TCF7L1: variants seen among roughly 807,000 people sequenced by gnomAD.
The protein encoded by TCF7L1 is transcription factor 7-like 1.
In TCF7L1, 18 loss-of-function variants were observed where a neutral mutation model predicts 63.7. The ratio of observed to expected loss-of-function variants is 0.28; its 90% CI spans 0.20 to 0.42. The LOEUF (loss-of-function observed/expected upper bound fraction) is 0.42. Ranked by LOEUF, TCF7L1 falls within the 10% of genes least tolerant of loss-of-function variation. The probability of loss-of-function intolerance (pLI) is 1.00; values close to 1 mark genes in which losing one functional copy is unlikely to be tolerated. For missense variants in TCF7L1, 654 were observed against 779.3 expected, an observed-to-expected ratio of 0.84 and a Z score of 1.91; for synonymous variants, 355 against 340.9, an observed-to-expected ratio of 1.04 and a Z score of -0.46.
At chr2:85,135,270 T>G (rs1190485705) in intron 3 of TCF7L1, among the ~76,000 whole-genome samples, 1 of 152,102 alleles carries the variant, frequency 6.6e-6, no homozygotes, top group Admixed American at 6.5e-5. Flanking sequence ...AGCTGGGGGC[T>G]GGCGAGGCCT....
At chr2:85,229,249 A>G (rs1021514009) in intron 3 of TCF7L1, among the ~76,000 whole-genome samples, 1 of 152,020 alleles carries the variant, frequency 6.6e-6, no homozygotes, top group African/African-American at 2.4e-5. Context: ...CGGGAGGCTG[A>G]GGCAGGAAAA....
chr2:85,259,999 C>G (rs78294179), intron 3 of TCF7L1, among the ~76,000 whole-genome samples: 3 of 152,238 alleles, frequency 2.0e-5, no homozygotes, highest in African/African-American at 7.2e-5. Context: ...AGCAGCCTCC[C>G]CCACAACTGA....
intron 3 of TCF7L1, among the ~76,000 whole-genome samples, chr2:85,164,476 C>T (rs1186902309): frequency 6.6e-6 from 1 of 152,074 alleles, no homozygotes; most frequent in Non-Finnish European, 1.5e-5. Flanking sequence ...TTGGAATGGA[C>T]ATCTCATTAG....
At chr2:85,188,755 G>T (rs1678984698) in intron 3 of TCF7L1, among the ~76,000 whole-genome samples, 1 of 152,244 alleles carries the variant, frequency 6.6e-6, no homozygotes, top group South Asian at 2.1e-4. Context: ...TTATGCCAGG[G>T]TATGTATCTC....
intron 3 of TCF7L1, among the ~76,000 whole-genome samples, chr2:85,148,228 G>A (rs1677926996): frequency 6.6e-6 from 1 of 152,194 alleles, no homozygotes; most frequent in Admixed American, 6.5e-5. Context: ...CTGGGATGGG[G>A]AGAGTCTGTG....
chr2:85,198,511 C>G (rs1400635948), intron 3 of TCF7L1, among the ~76,000 whole-genome samples: 2 of 152,216 alleles, frequency 1.3e-5, no homozygotes, highest in African/African-American at 4.8e-5. Context: ...CCCAGACAGA[C>G]TCCCAAAGCT....
rs573813681 is a variant in TCF7L1, at chr2:85,300,199, A to T, written c.526-2285A>T. On this transcript the variant is annotated intron_variant, in intron 4 of 11. Coordinates refer to ENST00000282111, the MANE Select transcript of TCF7L1 (RefSeq NM_031283.3). ...TGTGCTTCTATTTAGCCTTTTTTTA[A>T]ATTACAGAGTTTATGTATTTTTTAA... Among the ~76,000 whole-genome samples the T allele has an allele frequency of 2.0e-4, 30 of 152,188 alleles. No homozygotes were observed. In the East Asian group the frequency reaches 5.6e-3, roughly 28 times the overall value.
intron 3 of TCF7L1, among the ~76,000 whole-genome samples, chr2:85,155,258 C>T (rs1678117503): frequency 6.6e-6 from 1 of 152,182 alleles, no homozygotes; most frequent in South Asian, 2.1e-4. Context: ...ATGGACCAAT[C>T]AGCACTCTGT....
chr2:85,218,443 A>G (rs938338672), intron 3 of TCF7L1, among the ~76,000 whole-genome samples: 1 of 152,058 alleles, frequency 6.6e-6, no homozygotes, highest in South Asian at 2.1e-4. Flanking sequence ...TTTTGAAGAG[A>G]TGGGGTTTCA....
At chr2:85,153,550 C>T (rs1230713561) in intron 3 of TCF7L1, among the ~76,000 whole-genome samples, 2 of 152,002 alleles carry the variant, frequency 1.3e-5, no homozygotes, top group African/African-American at 4.8e-5. Flanking sequence ...ACCGTGTTAG[C>T]CAGGTTGGTC....
At chr2:85,262,408 A>G (rs1680880128) in intron 3 of TCF7L1, 1 of 383,438 alleles carries the variant, frequency 2.6e-6, no homozygotes, top group Non-Finnish European at 5.2e-6. Context: ...AAAAAAAACT[A>G]AAAAGAATAA....
At chr2:85,251,555 C>T (rs1369608994) in intron 3 of TCF7L1, among the ~76,000 whole-genome samples, 1 of 152,118 alleles carries the variant, frequency 6.6e-6, no homozygotes, top group Admixed American at 6.5e-5. Context: ...CTCTGGGCCC[C>T]GCTTGAGGCT....
chr2:85,272,877 G>A (rs1195518114), intron 3 of TCF7L1, among the ~76,000 whole-genome samples: 3 of 152,230 alleles, frequency 2.0e-5, no homozygotes, highest in African/African-American at 7.2e-5. Context: ...CCACAGGGCA[G>A]GAGCGGGGAG....
chr2:85,239,944 T>TA lies in TCF7L1; in HGVS notation c.442-43534dup, dbSNP rs11337671. The stretch of plus-strand genomic sequence containing the variant: ...CTGGGCAACAGAGCGAGACTCCATC[T>TA]AAAAAAAAAAAAAAAAACAAAAAAA... On this transcript the variant is annotated intron_variant, in intron 3 of 11. Coordinates refer to ENST00000282111, the MANE Select transcript of TCF7L1 (RefSeq NM_031283.3). 4.3e-3 allele frequency among the ~76,000 whole-genome samples: 445 copies of TA among 104,282 alleles called. 3 individuals are homozygous for TA. The highest frequency in any genetic ancestry group is 0.013 in the African/African-American group (355 of 26,322). 68.4% of individuals were successfully genotyped at this position (104,282 alleles called of 152,430 possible).
chr2:85,287,147 C>T (rs972182288), intron 4 of TCF7L1, among the ~76,000 whole-genome samples: 4 of 152,276 alleles, frequency 2.6e-5, no homozygotes, highest in East Asian at 1.9e-4. Context: ...CCCGGCTTAG[C>T]GCTTCAGTCA....
intron 3 of TCF7L1, among the ~76,000 whole-genome samples, chr2:85,218,638 A>AGAGGG (rs1558637181): frequency 1.3e-4 from 18 of 135,760 alleles, no homozygotes; most frequent in African/African-American, 4.9e-4. Flanking sequence ...TTTTATTCCA[A>AGAGGG]TGGGGGGGGG....
At position 85,306,378 on chromosome 2, in the gene TCF7L1, C is replaced by G; in HGVS notation, c.1149+13C>G. ...CCTTGGAAGAAAGGTAAGACCTGCCCTCTCCCTCCAGGCCAGGGAGGCAGC... is the reference window on the plus strand; with the variant it reads ...CCTTGGAAGAAAGGTAAGACCTGCCGTCTCCCTCCAGGCCAGGGAGGCAGC... On this transcript the variant is annotated intron_variant, in intron 9 of 11. Transcript: ENST00000282111. The surrounding 1 kb of genome is among the most constrained non-coding windows in gnomAD (Gnocchi z 4.3). 6.2e-7 allele frequency: 1 copy of G among 1,613,684 alleles called. No individual in the cohort carries two copies. The highest frequency in any genetic ancestry group is 1.1e-5 in the South Asian group (1 of 91,086).
chr2:85,306,110 C>T lies in TCF7L1; in HGVS notation c.990-96C>T, dbSNP rs1252351339. The T allele has an allele frequency of 4.6e-6, 7 of 1,517,262 alleles. No homozygotes were observed. Among genetic ancestry groups the T allele is most frequent in the African/African-American group, 1.4e-5 (1 of 72,858 alleles). The allele number at this position is 1,517,262 out of a possible 1,614,324, so 94.0% of individuals were successfully genotyped here. On this transcript the variant is annotated intron_variant, in intron 8 of 11. Transcript: ENST00000282111. The surrounding 1 kb of genome is among the most constrained non-coding windows in gnomAD (Gnocchi z 4.3). ...ATTAGCATCCAGGCAGCCCGCGCCC[C>T]TCCCCAGAGACAATCAGCGGTGTTT...
At chr2:85,172,630 T>A (rs1678575583) in intron 3 of TCF7L1, among the ~76,000 whole-genome samples, 1 of 152,192 alleles carries the variant, frequency 6.6e-6, no homozygotes, top group Admixed American at 6.5e-5. Context: ...TTCACTATGT[T>A]GGTCAGGCTG....
Sources: allele counts gnomAD v4.1 joint callset (sites outside exome capture counted in the v4.1 genomes callset), GRCh38; gene constraint gnomAD v4.1.1; non-coding constraint Gnocchi (gnomAD v3.1); transcripts MANE v1.5; gene names NCBI Gene and HGNC (gene_info 2026-07-23, HGNC 2026-07-21).